GORAB: variants seen among roughly 807,000 people sequenced by gnomAD.
GORAB encodes golgin, RAB6 interacting, also known as RAB6-interacting golgin.
In GORAB, 17 loss-of-function variants were observed where a neutral mutation model predicts 29.9. That is an observed-to-expected ratio of 0.57 (90% CI 0.39 to 0.85). The LOEUF (loss-of-function observed/expected upper bound fraction) is 0.85, where lower values mean the gene tolerates loss of function less well. Among genes scored for constraint, GORAB ranks in the 40% least tolerant of loss-of-function variants. The probability of loss-of-function intolerance (pLI) is 0.00; values close to 1 mark genes in which losing one functional copy is unlikely to be tolerated. For synonymous variants in GORAB, 183 were observed against 157.2 expected, an observed-to-expected ratio of 1.16 and a Z score of -1.23; for missense variants, 442 against 437.8, an observed-to-expected ratio of 1.01 and a Z score of -0.09.
intron 1 of GORAB, among the ~76,000 whole-genome samples, chr1:170,535,539 A>C (rs1399605029): frequency 6.6e-6 from 1 of 152,066 alleles, no homozygotes; most frequent in Non-Finnish European, 1.5e-5. Flanking sequence ...CTTTTTGATG[A>C]ACAAAGTATT....
At chr1:170,546,251 G>C (rs968526020) in intron 4 of GORAB, among the ~76,000 whole-genome samples, 1 of 152,060 alleles carries the variant, frequency 6.6e-6, no homozygotes, top group East Asian at 1.9e-4. Context: ...TTAGCTGGGC[G>C]TGGTGGTGGG....
intron 2 of GORAB, among the ~76,000 whole-genome samples, chr1:170,541,703 T>C (rs1649435813): frequency 1.3e-5 from 2 of 152,226 alleles, no homozygotes; most frequent in Admixed American, 1.3e-4. Flanking sequence ...GAAATTTTAA[T>C]GTATTTATTT....
chr1:170,538,778 G>T (rs1649209690), intron 1 of GORAB, among the ~76,000 whole-genome samples: 1 of 152,104 alleles, frequency 6.6e-6, no homozygotes, highest in Admixed American at 6.5e-5. Flanking sequence ...TTAAGAGAGG[G>T]TAATCCCATT....
At chr1:170,543,539 C>G (rs1266521799) in intron 3 of GORAB, among the ~76,000 whole-genome samples, 2 of 151,216 alleles carry the variant, frequency 1.3e-5, no homozygotes, top group African/African-American at 4.9e-5. Context: ...ACTGGTACAC[C>G]TTGATCTTTC....
chr1:170,548,156 C>G (rs150952757), intron 4 of GORAB, among the ~76,000 whole-genome samples: 1 of 152,352 alleles, frequency 6.6e-6, no homozygotes, highest in African/African-American at 2.4e-5. Flanking sequence ...TTCAGAGACT[C>G]TAGGTATCCA....
Position 170,532,210 on chromosome 1 carries a change from G to T in GORAB, c.-14G>T. ...AGATTTGGGCACTTTTGGGGGTGCC[G>T]GTGGCCCGGGCCGATGGCGCAAGGT... On this transcript the variant is annotated 5_prime_UTR_variant, in exon 1 of 5. Coordinates refer to ENST00000367763, the MANE Select transcript of GORAB (RefSeq NM_152281.3). 2 of 1,613,980 alleles carry T rather than the reference G, an allele frequency of 1.2e-6. No individual in the cohort carries two copies. The highest frequency in any genetic ancestry group is 1.7e-6 in the Non-Finnish European group (2 of 1,180,000).
intron 3 of GORAB, among the ~76,000 whole-genome samples, chr1:170,544,147 C>A (rs1303392881): frequency 6.6e-6 from 1 of 152,104 alleles, no homozygotes; most frequent in African/African-American, 2.4e-5. Context: ...TTTTGATGTT[C>A]AGCTCCATAA....
chr1:170,551,676 G>A (rs995191356), intron 4 of GORAB, among the ~76,000 whole-genome samples: 1 of 152,092 alleles, frequency 6.6e-6, no homozygotes, highest in East Asian at 1.9e-4. Flanking sequence ...AAATGTAAAC[G>A]CTACAAATCA....
rs1296485321 is a variant in GORAB, at chr1:170,539,449, C to T, written c.301C>T (p.Gln101Ter). Reference sequence around the variant, plus strand: ...CTCCCCCGTTGGTGATGGACAACCACAGGGCATTGAAAGTCAGCCAAAGGA... The same window carrying T: ...CTCCCCCGTTGGTGATGGACAACCATAGGGCATTGAAAGTCAGCCAAAGGA... The part of the protein sequence containing the change: ...LTSPVGDGQP[Q>*]GIESQPKELG... Residue 101 changes from glutamine (Q) to a stop codon, truncating the protein, a stop_gained, in exon 2 of 5, where the codon CAG (glutamine) becomes TAG (stop). Coordinates refer to ENST00000367763, the MANE Select transcript of GORAB (RefSeq NM_152281.3). LOFTEE classifies it high-confidence loss of function. 3.7e-6 allele frequency: 6 copies of T among 1,613,984 alleles called. No individual in the cohort carries two copies. The African/African-American group carries it at 5.3e-5, about 14-fold the overall frequency.
intron 1 of GORAB, among the ~76,000 whole-genome samples, chr1:170,533,292 G>A (rs554680295): frequency 2.0e-5 from 3 of 152,224 alleles, no homozygotes; most frequent in East Asian, 1.9e-4. Context: ...AGTAAGATAG[G>A]GCCAATGTAG....
chr1:170,542,978 G>GT (rs1347184199), intron 3 of GORAB, among the ~76,000 whole-genome samples: 1 of 152,110 alleles, frequency 6.6e-6, no homozygotes, highest in East Asian at 1.9e-4. Flanking sequence ...GAGGAATAAG[G>GT]TTTTCTACAT....
intron 1 of GORAB, 62 bp downstream of exon 1, chr1:170,532,346 A>C (rs1370872784): frequency 1.3e-6 from 2 of 1,572,130 alleles, no homozygotes; most frequent in Non-Finnish European, 1.7e-6. Flanking sequence ...GCGGGGATGC[A>C]GCTTTGGCGG....
chr1:170,544,431 T>A (rs1298152489), intron 3 of GORAB, among the ~76,000 whole-genome samples: 2 of 152,222 alleles, frequency 1.3e-5, no homozygotes, highest in South Asian at 2.1e-4. Context: ...TTTTAGTGTT[T>A]GTTCTCTTTA....
intron 3 of GORAB, 109 bp downstream of exon 3, chr1:170,542,701 C>A: frequency 2.5e-6 from 2 of 806,662 alleles, no homozygotes; most frequent in East Asian, 2.5e-5. Context: ...TTTTCTTCAA[C>A]CATTACTTTT....
At chr1:170,536,847 A>G (rs1649093882) in intron 1 of GORAB, among the ~76,000 whole-genome samples, 1 of 152,226 alleles carries the variant, frequency 6.6e-6, no homozygotes, top group Non-Finnish European at 1.5e-5. Flanking sequence ...TCAAACAACT[A>G]AGTAAATACT....
Position 170,547,108 on chromosome 1 carries a change from G to T in GORAB, c.662+2263G>T, listed in dbSNP as rs147851620. Among the ~76,000 whole-genome samples the T allele has an allele frequency of 6.2e-4, 94 of 152,248 alleles. 1 individual carries two copies. Among genetic ancestry groups the T allele is most frequent in the South Asian group, 1.5e-3 (7 of 4,816 alleles). On this transcript the variant is annotated intron_variant, in intron 4 of 4. Transcript: ENST00000367763. The stretch of plus-strand genomic sequence containing the variant: ...GATTAAGGTATTATTTTCTAAACTT[G>T]CATTTGTGGTTATTGAGAAATTACA...
At chr1:170,547,026 C>A (rs1407410150) in intron 4 of GORAB, among the ~76,000 whole-genome samples, 1 of 152,106 alleles carries the variant, frequency 6.6e-6, no homozygotes, top group Non-Finnish European at 1.5e-5. Flanking sequence ...TGCGTTGAGT[C>A]AAAGGGAAAC....
intron 2 of GORAB, among the ~76,000 whole-genome samples, chr1:170,542,118 C>T (rs536683738): frequency 1.3e-5 from 2 of 152,290 alleles, no homozygotes; most frequent in South Asian, 4.1e-4. Flanking sequence ...ATGACATCAG[C>T]TACAAACCAA....
chr1:170,532,457 C>T (rs1648751264), intron 1 of GORAB, 173 bp downstream of exon 1: 2 of 692,120 alleles, frequency 2.9e-6, no homozygotes, highest in Non-Finnish European at 5.0e-6. Flanking sequence ...CTGGGAGTCA[C>T]GACGGGAGGG....
Sources: gnomAD v4.1 joint callset for allele counts (sites outside exome capture counted in the v4.1 genomes callset) on GRCh38, gnomAD v4.1.1 for gene constraint, MANE v1.5 for transcripts, NCBI Gene and HGNC (gene_info 2026-07-23, HGNC 2026-07-21) for gene names.